The following AOC2 variants were observed in gnomAD, a reference collection of about 807,000 sequenced individuals.
The protein encoded by AOC2 is amine oxidase [copper-containing] 2.
A neutral mutation model predicts 53.8 loss-of-function variants in AOC2; 57 were observed. That is an observed-to-expected ratio of 1.06 (90% confidence interval 0.86 to 1.32). The LOEUF is 1.32. Ranked by LOEUF, AOC2 falls within the 40% of genes most tolerant of loss-of-function variation. The pLI, the probability that AOC2 is intolerant of heterozygous loss-of-function variation, is 0.00. For synonymous variants in AOC2, 404 were observed against 399.0 expected (o/e 1.01, Z -0.15); for missense variants, 1,008 against 957.2 (o/e 1.05, Z -0.70).
In AOC2 at chr17:42,845,724, T is replaced by G; in HGVS notation, c.1098T>G (p.Tyr366Ter). The change falls in exon 1 of 4, where the codon TAT becomes TAG. Residue 366 changes from tyrosine (Y) to a stop codon, truncating the protein, a stop_gained. Coordinates refer to ENST00000253799, the MANE Select transcript of AOC2 (RefSeq NM_009590.4). LOFTEE classifies it high-confidence loss of function. Reference protein sequence around the residue: ...EVSVQECVSIYGADSPKTMLT... With the variant: ...EVSVQECVSI The stretch of plus-strand genomic sequence containing the variant: ...GTGTCCAGGAGTGTGTATCTATCTA[T>G]GGTGCCGATTCACCCAAGACGATGC... 1 of 1,614,198 alleles carries G rather than the reference T, an allele frequency of 6.2e-7. No individual in the cohort carries two copies.
In AOC2 at chr17:42,846,162, G is replaced by A. The variant is rs1301968102; in HGVS notation, c.1536G>A (p.Leu512=). ...GGAACCGTGTGGGGGAAAGAGTGCTGGGAACGGTGCACACACATGCCTTCC... is the reference window on the plus strand; with the variant it reads ...GGAACCGTGTGGGGGAAAGAGTGCTAGGAACGGTGCACACACATGCCTTCC... ...LFGNRVGERV[L]GTVHTHAFHF... Residue 512 remains leucine (L), a synonymous_variant, in exon 1 of 4, where the codon CTG becomes CTA. Coordinates refer to ENST00000253799, the MANE Select transcript of AOC2 (RefSeq NM_009590.4). 22 of 1,553,064 alleles carry A rather than the reference G, an allele frequency of 1.4e-5. No homozygotes were observed. The highest frequency in any genetic ancestry group is 1.8e-5 in the Non-Finnish European group (21 of 1,148,560).
rs200201028 is a variant in AOC2 at position 42,844,941 on chromosome 17, C to A, written c.315C>A (p.Ala105=). Residue 105 remains alanine, a synonymous_variant, in exon 1 of 4, where the codon GCC becomes GCA. Transcript: ENST00000253799. ...VELQLPPKAA[A]LAHLDRGSPP... ...TGCAGCTGCCCCCCAAGGCTGCAGC[C>A]CTGGCCCACCTGGACAGGGGGAGCC... The A allele has an allele frequency of 1.3e-5, 21 of 1,612,382 alleles. No individual in the cohort carries two copies. The African/African-American group carries it at 2.5e-4, about 19-fold the overall frequency.
At chr17:42,848,817 C>T (rs1567686614) in intron 1 of AOC2, among the ~76,000 whole-genome samples, 1 of 152,056 alleles carries the variant, frequency 6.6e-6, no homozygotes, top group African/African-American at 2.4e-5. Context: ...TCCCAAAGTG[C>T]TGGGATTGCA....
chr17:42,845,255 G>C lies in AOC2; in HGVS notation c.629G>C (p.Arg210Pro), dbSNP rs766890978. 74 of 1,614,100 alleles carry C rather than the reference G, an allele frequency of 4.6e-5. No individual in the cohort carries two copies. The Admixed American group carries it at 8.7e-4, about 19-fold the overall frequency. The change falls in exon 1 of 4, where the codon CGG becomes CCG. Residue 210 changes from arginine to proline, a missense_variant. Physicochemically the swap from Arg to Pro is moderately radical, Grantham distance 103. Coordinates refer to ENST00000253799, the MANE Select transcript of AOC2 (RefSeq NM_009590.4). ...CTGGCAGCTGTGCATGCCACCCCTC[G>C]GGGCTTGCGCTCAGGGGACCGAGCT... ...STLAAVHATP[R>P]GLRSGDRATW...
At position 42,845,355 on chromosome 17, in the gene AOC2, G is replaced by C; in HGVS notation, c.729G>C (p.Leu243=). ...FLHPVGLELL[L]DHRALDPAHW... is the part of the protein sequence containing the mutation. The stretch of plus-strand genomic sequence containing the variant: ...ACCCCGTGGGGCTGGAGCTACTACT[G>C]GACCACAGGGCCCTGGACCCTGCCC... The change falls in exon 1 of 4, where the codon CTG becomes CTC. Residue 243 remains leucine, a synonymous_variant. Transcript: ENST00000253799. 6.2e-7 allele frequency: 1 copy of C among 1,614,172 alleles called. No individual in the cohort carries two copies. Among genetic ancestry groups the C allele is most frequent in the Non-Finnish European group, 8.5e-7 (1 of 1,180,030 alleles).
In AOC2 at chr17:42,845,081, C is replaced by G. The variant is rs1555552304; in HGVS notation, c.455C>G (p.Thr152Ser). 6.2e-7 allele frequency: 1 copy of G among 1,613,970 alleles called. No homozygotes were observed. The highest frequency in any genetic ancestry group is 1.3e-5 in the African/African-American group (1 of 75,062). Residue 152 changes from threonine (T) to serine (S), a missense_variant, in exon 1 of 4, where the codon ACT becomes AGT. Thr to Ser is a moderately conservative substitution (Grantham distance 58, BLOSUM62 1). Transcript: ENST00000253799. Reference protein sequence around the residue: ...LPHPSYMRDVTVERHGGPLPY... With the variant: ...LPHPSYMRDVSVERHGGPLPY... ...CACCCCTCGTACATGCGGGATGTGA[C>G]TGTGGAGCGTCACGGCGGGCCCCTG... is the stretch of plus-strand genomic sequence containing the variant.
Position 42,846,231 on chromosome 17 carries a change from T to G in AOC2, c.1588+17T>G. On this transcript the variant is annotated intron_variant, in intron 1 of 3. Coordinates refer to ENST00000253799, the MANE Select transcript of AOC2 (RefSeq NM_009590.4). ...ATGTGGCAGGTGAGTGCTGAGGGGA[T>G]GAGGATGGAGACTTGGGGGCGGGGT... 2.0e-5 allele frequency: 28 copies of G among 1,419,072 alleles called. No homozygotes were observed. The highest frequency in any genetic ancestry group is 8.4e-5 in the South Asian group (5 of 59,418). 87.9% of individuals were successfully genotyped at this position (1,419,072 alleles called of 1,614,324 possible). A position where few individuals can be genotyped will look rare whatever the true frequency, so the allele number is the denominator to read the frequency against.
Position 42,849,143 on chromosome 17 carries a change from G to A in AOC2, c.1646G>A (p.Trp549Ter). Residue 549 changes from tryptophan to a stop codon, truncating the protein, a stop_gained, in exon 2 of 4, where the codon TGG becomes TAG. Coordinates refer to ENST00000253799, the MANE Select transcript of AOC2 (RefSeq NM_009590.4). LOFTEE classifies it high-confidence loss of function. ...DVVFKPVAAPWNPEHWLQRPQ... is the reference protein window; with the variant it reads ...DVVFKPVAAP ...GTGTTTAAACCTGTGGCTGCCCCCT[G>A]GAACCCGGAGCACTGGCTACAGCGC... 6.2e-7 allele frequency: 1 copy of A among 1,614,134 alleles called. No homozygotes were observed.
In AOC2 at chr17:42,845,362, A is replaced by G. The variant is rs779113066; in HGVS notation, c.736A>G (p.Arg246Gly). Reference protein sequence around the residue: ...PVGLELLLDHRALDPAHWTVQ... With the variant: ...PVGLELLLDHGALDPAHWTVQ... ...GGGGCTGGAGCTACTACTGGACCAC[A>G]GGGCCCTGGACCCTGCCCACTGGAC... The change falls in exon 1 of 4, where the codon AGG becomes GGG. Residue 246 changes from arginine to glycine, a missense_variant. Coordinates refer to ENST00000253799, the MANE Select transcript of AOC2 (RefSeq NM_009590.4). 29 of 1,614,056 alleles carry G rather than the reference A, an allele frequency of 1.8e-5. No individual in the cohort carries two copies. The highest frequency in any genetic ancestry group is 2.4e-5 in the Non-Finnish European group (28 of 1,180,026).
In AOC2 at chr17:42,844,693, GT is replaced by G. The variant is rs2055574868; in HGVS notation, c.71del (p.Leu24CysfsTer2). 4 of 1,614,176 alleles carry G rather than the reference GT, an allele frequency of 2.5e-6. No homozygotes were observed. The East Asian group carries it at 6.7e-5, about 27-fold the overall frequency. On this transcript the variant is annotated frameshift_variant, in exon 1 of 4. Coordinates refer to ENST00000253799, the MANE Select transcript of AOC2 (RefSeq NM_009590.4). LOFTEE classifies it high-confidence loss of function. ...SLITIFALAY[V>X]LLTSPGGSSQ... is the part of the protein sequence containing the mutation. ...CATTACCATCTTTGCCCTGGCCTAT[GT>G]TTTGCTGACCAGCCCAGGTGGTTCC...
Position 42,844,889 on chromosome 17 carries a change from C to A in AOC2, c.263C>A (p.Ser88Ter). The A allele has an allele frequency of 1.2e-6, 2 of 1,612,898 alleles. No individual in the cohort carries two copies. Among genetic ancestry groups the A allele is most frequent in the Non-Finnish European group, 1.7e-6 (2 of 1,179,310 alleles). ...GLVDAAQAQPSDNCIFSVELQ... is the reference protein window; with the variant it reads ...GLVDAAQAQP ...GTGGACGCAGCCCAGGCTCAGCCCTCGGACAACTGCATCTTCTCAGTGGAG... is the reference window on the plus strand; with the variant it reads ...GTGGACGCAGCCCAGGCTCAGCCCTAGGACAACTGCATCTTCTCAGTGGAG... The change falls in exon 1 of 4, where the codon TCG becomes TAG. Residue 88 changes from serine to a stop codon, truncating the protein, a stop_gained. Coordinates refer to ENST00000253799, the MANE Select transcript of AOC2 (RefSeq NM_009590.4). LOFTEE classifies it high-confidence loss of function.
At chr17:42,849,482 A>C (rs2055629608) in intron 2 of AOC2, 111 bp downstream of exon 2, 16 of 1,583,962 alleles carry the variant, frequency 1.0e-5, no homozygotes, top group Non-Finnish European at 1.4e-5. Context: ...ACCTCCCCTC[A>C]AACCCAAGTT....
chr17:42,849,857 T>C (rs2055635330), intron 3 of AOC2, 127 bp downstream of exon 3: 1 of 1,418,232 alleles, frequency 7.1e-7, no homozygotes, highest in East Asian at 2.3e-5. Context: ...CATGGAGTTT[T>C]CTGATGACCA....
At position 42,845,285 on chromosome 17, in the gene AOC2, G is replaced by A. The variant is rs145543130; in HGVS notation, c.659G>A (p.Trp220Ter). 6 of 1,614,156 alleles carry A rather than the reference G, an allele frequency of 3.7e-6. No homozygotes were observed. Among genetic ancestry groups the A allele is most frequent in the Non-Finnish European group, 5.1e-6 (6 of 1,180,042 alleles). ...TTGCGCTCAGGGGACCGAGCTACCT[G>A]GATGGCCCTCTACCATAACATCTCA... ...RGLRSGDRAT[W>*]MALYHNISGV... is the part of the protein sequence containing the mutation. Residue 220 changes from tryptophan to a stop codon, truncating the protein, a stop_gained, in exon 1 of 4, where the codon TGG (tryptophan) becomes TAG (stop). Coordinates refer to ENST00000253799, the MANE Select transcript of AOC2 (RefSeq NM_009590.4). LOFTEE classifies it high-confidence loss of function.
chr17:42,850,103 G>T lies in AOC2; in HGVS notation c.2026G>T (p.Ala676Ser). The T allele has an allele frequency of 1.2e-6, 2 of 1,614,066 alleles. No homozygotes were observed. Among genetic ancestry groups the T allele is most frequent in the Non-Finnish European group, 1.7e-6 (2 of 1,179,902 alleles). Residue 676 changes from alanine to serine, a missense_variant, in exon 4 of 4, where the codon GCC (alanine) becomes TCC (serine). By Grantham distance (99) the Ala-to-Ser change is moderately conservative (BLOSUM62 1). Coordinates refer to ENST00000253799, the MANE Select transcript of AOC2 (RefSeq NM_009590.4). ...GCAGGATCTGGTGGCTTGGGTCACA[G>T]CCAGCTTCCTGCACATTCCCCATGC... ...LGEDLVAWVT[A>S]SFLHIPHAED... is the part of the protein sequence containing the mutation.
rs760695231 is a variant in AOC2, at chr17:42,849,163, C to T, written c.1666C>T (p.Gln556Ter). 1 of 1,614,166 alleles carries T rather than the reference C, an allele frequency of 6.2e-7. No individual in the cohort carries two copies. Among genetic ancestry groups the T allele is most frequent in the South Asian group, 1.1e-5 (1 of 91,078 alleles). ...CCCCTGGAACCCGGAGCACTGGCTACAGCGCCCACAGCTGACTCGGCAGGT... is the reference window on the plus strand; with the variant it reads ...CCCCTGGAACCCGGAGCACTGGCTATAGCGCCCACAGCTGACTCGGCAGGT... ...AAPWNPEHWL[Q>*]RPQLTRQVLG... The change falls in exon 2 of 4, where the codon CAG becomes TAG. Residue 556 changes from glutamine to a stop codon, truncating the protein, a stop_gained. Coordinates refer to ENST00000253799, the MANE Select transcript of AOC2 (RefSeq NM_009590.4). LOFTEE classifies it high-confidence loss of function.
chr17:42,845,035 CTGG>C lies in AOC2; in HGVS notation c.416_418del (p.Val139del). The C allele has an allele frequency of 6.2e-7, 1 of 1,613,916 alleles. No homozygotes were observed. Among genetic ancestry groups the C allele is most frequent in the Non-Finnish European group, 8.5e-7 (1 of 1,179,998 alleles). On this transcript the variant is annotated inframe_deletion, in exon 1 of 4. Coordinates refer to ENST00000253799, the MANE Select transcript of AOC2 (RefSeq NM_009590.4). ...ACAACCCCAACCCAATGTGAGTGAG[CTGG>C]TGGTGGGGCCGCTGCCTCACCCCTC... is the stretch of plus-strand genomic sequence containing the variant.
chr17:42,849,240 C>G lies in AOC2; in HGVS notation c.1743C>G (p.Arg581=). Residue 581 remains arginine, a synonymous_variant, in exon 2 of 4, where the codon CGC becomes CGG. Transcript: ENST00000253799. ...TAFSLGSPLP[R]YLYLASNQTN... Reference sequence around the variant, plus strand: ...TTTCCTTGGGAAGCCCCCTACCCCGCTACCTCTACCTGGCTAGCAACCAGA... The same window carrying G: ...TTTCCTTGGGAAGCCCCCTACCCCGGTACCTCTACCTGGCTAGCAACCAGA... 6.2e-7 allele frequency: 1 copy of G among 1,614,190 alleles called. No individual in the cohort carries two copies. The highest frequency in any genetic ancestry group is 1.1e-5 in the South Asian group (1 of 91,086).
At chr17:42,848,994 C>A in intron 1 of AOC2, 92 bp from the exon 2 acceptor site, 3 of 1,341,254 alleles carry the variant, frequency 2.2e-6, no homozygotes, top group Non-Finnish European at 3.0e-6. Context: ...CCTTTTGTCA[C>A]ACCAGTGCAG....
Sources: allele counts gnomAD v4.1 joint callset (sites outside exome capture counted in the v4.1 genomes callset), GRCh38; gene constraint gnomAD v4.1.1; transcripts MANE v1.5; gene names NCBI Gene and HGNC (gene_info 2026-07-23, HGNC 2026-07-21).